Variants in THBD observed in about 807,000 individuals in gnomAD.
THBD encodes the protein thrombomodulin.
For missense variants in THBD, 850 were observed against 816.9 expected (o/e 1.04, Z -0.49); for synonymous variants, 449 against 374.2 (o/e 1.20, Z -2.31).
Position 23,048,308 on chromosome 20 carries a change from G to C in THBD, c.1197C>G (p.His399Gln). ...AAAACATCTGGCACCTGTGCGGCTC[G>C]TGGGGAATGGGCGCGAAGCCCTCGG... ...VCAEGFAPIP[H>Q]EPHRCQMFCN... The change falls in exon 1 of 1, where the codon CAC (histidine) becomes CAG (glutamine). Residue 399 changes from histidine (H) to glutamine (Q), a missense_variant. His to Gln is a conservative substitution (Grantham distance 24, BLOSUM62 0). Coordinates refer to ENST00000377103, the MANE Select transcript of THBD (RefSeq NM_000361.3). The C allele has an allele frequency of 1.2e-6, 2 of 1,613,894 alleles. No homozygotes were observed. Among genetic ancestry groups the C allele is most frequent in the Non-Finnish European group, 1.7e-6 (2 of 1,180,044 alleles).
rs1312368632 is a variant in THBD at position 23,048,850 on chromosome 20, C to T, written c.655G>A (p.Gly219Ser). 5 of 1,505,796 alleles carry T rather than the reference C, an allele frequency of 3.3e-6. No homozygotes were observed. The highest frequency in any genetic ancestry group is 3.5e-6 in the Non-Finnish European group (4 of 1,131,534). The allele number at this position is 1,505,796 out of a possible 1,614,324, so 93.3% of individuals were successfully genotyped here. The change falls in exon 1 of 1, where the codon GGC (glycine) becomes AGC (serine). Residue 219 changes from glycine to serine, a missense_variant. Transcript: ENST00000377103. Reference protein sequence around the residue: ...VGSSAAVAPLGLQLMCTAPPG... With the variant: ...VGSSAAVAPLSLQLMCTAPPG... The stretch of plus-strand genomic sequence containing the variant: ...GGCGCGGTGCACATTAGCTGTAAGC[C>T]GAGGGGAGCCACCGCGGCGGAGCTG...
Position 23,048,796 on chromosome 20 carries a change from T to G in THBD, c.709A>C (p.Arg237=), listed in dbSNP as rs894450516. The change falls in exon 1 of 1, where the codon AGG becomes CGG. Residue 237 remains arginine, a synonymous_variant. Coordinates refer to ENST00000377103, the MANE Select transcript of THBD (RefSeq NM_000361.3). ...PPGAVQGHWA[R]EAPGAWDCSV... Reference sequence around the variant, plus strand: ...CAGTCCCAAGCGCCCGGCGCCTCCCTGGCCCAGTGCCCCTGGACCGCTCCG... The same window carrying G: ...CAGTCCCAAGCGCCCGGCGCCTCCCGGGCCCAGTGCCCCTGGACCGCTCCG... 6.5e-7 allele frequency: 1 copy of G among 1,538,816 alleles called. No individual in the cohort carries two copies. The highest frequency in any genetic ancestry group is 8.7e-7 in the Non-Finnish European group (1 of 1,149,124).
rs867734905 is a variant in THBD, at chr20:23,049,270, C to T, written c.235G>A (p.Gly79Ser). 2 of 1,551,234 alleles carry T rather than the reference C, an allele frequency of 1.3e-6. No homozygotes were observed. The highest frequency in any genetic ancestry group is 1.4e-5 in the African/African-American group (1 of 72,920). Reference sequence around the variant, plus strand: ...CAGAGGCGCCGGCGGCCAACGCCGCCGTCGCCGTTCAGTAGCAAGGAAATG... The same window carrying T: ...CAGAGGCGCCGGCGGCCAACGCCGCTGTCGCCGTTCAGTAGCAAGGAAATG... ...DVISLLLNGD[G>S]GVGRRRLWIG... Residue 79 changes from glycine (G) to serine (S), a missense_variant, in exon 1 of 1, where the codon GGC (glycine) becomes AGC (serine). By Grantham distance (56) the Gly-to-Ser change is moderately conservative (BLOSUM62 0). Coordinates refer to ENST00000377103, the MANE Select transcript of THBD (RefSeq NM_000361.3).
chr20:23,048,144 AC>A lies in THBD; in HGVS notation c.1360del (p.Val454CysfsTer52). The A allele has an allele frequency of 6.2e-7, 1 of 1,613,494 alleles. No homozygotes were observed. The highest frequency in any genetic ancestry group is 1.3e-5 in the African/African-American group (1 of 75,028). ...GAAGGTACCGGGGAGGTTGTGGCAC[AC>A]CCCGGAGCAGAAGCCGCCGTTTTCG... Reference protein sequence around the residue: ...ECENGGFCSGVCHNLPGTFEC... With the variant: ...ECENGGFCSGXCHNLPGTFEC... On this transcript the variant is annotated frameshift_variant, in exon 1 of 1. Coordinates refer to ENST00000377103, the MANE Select transcript of THBD (RefSeq NM_000361.3). LOFTEE classifies it low-confidence loss of function (END_TRUNC).
In THBD at chr20:23,049,314, G is replaced by A; in HGVS notation, c.191C>T (p.Ser64Phe). The A allele has an allele frequency of 1.9e-6, 3 of 1,597,400 alleles. No homozygotes were observed. The highest frequency in any genetic ancestry group is 2.6e-6 in the Non-Finnish European group (3 of 1,173,622). The change falls in exon 1 of 1, where the codon TCC (serine) becomes TTC (phenylalanine). Residue 64 changes from serine (S) to phenylalanine (F), a missense_variant. By Grantham distance (155) the Ser-to-Phe change is radical. Coordinates refer to ENST00000377103, the MANE Select transcript of THBD (RefSeq NM_000361.3). ...GLRGHLMTVRSSVAADVISLL... is the reference protein window; with the variant it reads ...GLRGHLMTVRFSVAADVISLL... ...GGAAATGACATCGGCAGCCACCGAGGAGCGCACTGTCATTAGGTGGCCCCG... is the reference window on the plus strand; with the variant it reads ...GGAAATGACATCGGCAGCCACCGAGAAGCGCACTGTCATTAGGTGGCCCCG...
At position 23,047,525 on chromosome 20, in the gene THBD, G is replaced by T. The variant is rs941549874; in HGVS notation, c.*252C>A. The stretch of plus-strand genomic sequence containing the variant: ...CGGTAGTGAGGACCTGGGACAAATC[G>T]CAGTCTGTGTCTTCGTTACAAAATT... On this transcript the variant is annotated 3_prime_UTR_variant, in exon 1 of 1. Transcript: ENST00000377103. 8 of 580,398 alleles carry T rather than the reference G, an allele frequency of 1.4e-5. No individual in the cohort carries two copies. The highest frequency in any genetic ancestry group is 2.4e-5 in the Non-Finnish European group (8 of 329,316). The allele number at this position is 580,398 out of a possible 1,614,324, so 36.0% of individuals were successfully genotyped here.
Position 23,048,580 on chromosome 20 carries a change from T to G in THBD, c.925A>C (p.Met309Leu). Residue 309 changes from methionine (M) to leucine (L), a missense_variant, in exon 1 of 1, where the codon ATG becomes CTG. Transcript: ENST00000377103. ...NPDQPGSYSC[M>L]CETGYRLAAD... The stretch of plus-strand genomic sequence containing the variant: ...GCCAGCCGGTAGCCGGTCTCGCACA[T>G]GCACGAGTAGGAGCCCGGCTGGTCG... 6.2e-7 allele frequency: 1 copy of G among 1,600,096 alleles called. No individual in the cohort carries two copies. Among genetic ancestry groups the G allele is most frequent in the Admixed American group, 1.7e-5 (1 of 59,982 alleles).
chr20:23,047,422 T>C lies in THBD; in HGVS notation c.*355A>G. On this transcript the variant is annotated 3_prime_UTR_variant, in exon 1 of 1. Coordinates refer to ENST00000377103, the MANE Select transcript of THBD (RefSeq NM_000361.3). The stretch of plus-strand genomic sequence containing the variant: ...AACCTAAATACTTAAAAAAAATAAA[T>C]ATTTTAGTCATCCCTAGCCCACGAG... 3.1e-6 allele frequency: 1 copy of C among 317,810 alleles called. No individual in the cohort carries two copies. The highest frequency in any genetic ancestry group is 5.8e-6 in the Non-Finnish European group (1 of 172,532). 19.7% of individuals were successfully genotyped at this position (317,810 alleles called of 1,614,324 possible). A position where few individuals can be genotyped will look rare whatever the true frequency, so the allele number is the denominator to read the frequency against.
rs1568665899 is a variant in THBD at position 23,048,198 on chromosome 20, C to T, written c.1307G>A (p.Gly436Asp). 2 of 1,614,068 alleles carry T rather than the reference C, an allele frequency of 1.2e-6. No individual in the cohort carries two copies. The highest frequency in any genetic ancestry group is 1.7e-6 in the Non-Finnish European group (2 of 1,180,052). The change falls in exon 1 of 1, where the codon GGT (glycine) becomes GAT (aspartate). Residue 436 changes from glycine to aspartate, a missense_variant. Coordinates refer to ENST00000377103, the MANE Select transcript of THBD (RefSeq NM_000361.3). The stretch of plus-strand genomic sequence containing the variant: ...CTCGTCGATGTCCGTGCAGATGAAA[C>T]CGTCGTCCAGGATGTAGCCTTCAGG... ...ECPEGYILDD[G>D]FICTDIDECE...
At position 23,048,806 on chromosome 20, in the gene THBD, C is replaced by T; in HGVS notation, c.699G>A (p.Gly233=). The T allele has an allele frequency of 6.5e-7, 1 of 1,528,370 alleles. No individual in the cohort carries two copies. The highest frequency in any genetic ancestry group is 8.7e-7 in the Non-Finnish European group (1 of 1,143,666). The allele number at this position is 1,528,370 out of a possible 1,614,324, so 94.7% of individuals were successfully genotyped here. The part of the protein sequence containing the change: ...MCTAPPGAVQ[G]HWAREAPGAW... Reference sequence around the variant, plus strand: ...CGCCCGGCGCCTCCCTGGCCCAGTGCCCCTGGACCGCTCCGGGCGGCGCGG... The same window carrying T: ...CGCCCGGCGCCTCCCTGGCCCAGTGTCCCTGGACCGCTCCGGGCGGCGCGG... The change falls in exon 1 of 1, where the codon GGG becomes GGA. Residue 233 remains glycine (G), a synonymous_variant. Coordinates refer to ENST00000377103, the MANE Select transcript of THBD (RefSeq NM_000361.3).
Position 23,048,265 on chromosome 20 carries a change from G to A in THBD, c.1240C>T (p.Pro414Ser). ...TGGGTGTTGGGGTCGCAGTCGGCTG[G>A]ACAGGCAGTCTGGTTGCAAAACATC... ...CQMFCNQTACPADCDPNTQAS... is the reference protein window; with the variant it reads ...CQMFCNQTACSADCDPNTQAS... Residue 414 changes from proline (P) to serine (S), a missense_variant, in exon 1 of 1, where the codon CCA becomes TCA. Transcript: ENST00000377103. 6.2e-7 allele frequency: 1 copy of A among 1,613,974 alleles called. No individual in the cohort carries two copies.
chr20:23,049,619 A>G lies in THBD; in HGVS notation c.-115T>C. The G allele has an allele frequency of 1.4e-6, 2 of 1,392,128 alleles. No homozygotes were observed. The highest frequency in any genetic ancestry group is 2.0e-6 in the Non-Finnish European group (2 of 1,005,584). The allele number at this position is 1,392,128 out of a possible 1,614,324, so 86.2% of individuals were successfully genotyped here. A position where few individuals can be genotyped will look rare whatever the true frequency, so the allele number is the denominator to read the frequency against. ...GGCGACAGCCTCTCCTGTCCGTCCCAGCCCAGACACTTCTTGCCGCTGCGC... is the reference window on the plus strand; with the variant it reads ...GGCGACAGCCTCTCCTGTCCGTCCCGGCCCAGACACTTCTTGCCGCTGCGC... On this transcript the variant is annotated 5_prime_UTR_variant, in exon 1 of 1. Coordinates refer to ENST00000377103, the MANE Select transcript of THBD (RefSeq NM_000361.3).
rs1297802180 is a variant in THBD at position 23,045,822 on chromosome 20, C to T, written c.*1955G>A. On this transcript the variant is annotated 3_prime_UTR_variant, in exon 1 of 1. Coordinates refer to ENST00000377103, the MANE Select transcript of THBD (RefSeq NM_000361.3). ...AATCATTCTACAGTGAAAATAATAG[C>T]CTCTGGAAAAAGCTTTGAAAATCAG... The T allele has an allele frequency of 6.6e-6, 1 of 152,112 alleles. No individual in the cohort carries two copies. Among genetic ancestry groups the T allele is most frequent in the African/African-American group, 2.4e-5 (1 of 41,414 alleles). The allele number at this position is 152,112 out of a possible 1,614,324, so 9.4% of individuals were successfully genotyped here.
In THBD at chr20:23,049,105, C is replaced by G; in HGVS notation, c.400G>C (p.Gly134Arg). The G allele has an allele frequency of 6.3e-7, 1 of 1,589,186 alleles. No individual in the cohort carries two copies. Among genetic ancestry groups the G allele is most frequent in the Non-Finnish European group, 8.6e-7 (1 of 1,169,516 alleles). ...RLDLNGAPLCGPLCVAVSAAE... is the reference protein window; with the variant it reads ...RLDLNGAPLCRPLCVAVSAAE... ...GCGGAGACAGCGACGCACAACGGGC[C>G]GCAGAGGGGAGCCCCATTGAGGTCG... Residue 134 changes from glycine to arginine, a missense_variant, in exon 1 of 1, where the codon GGC becomes CGC. By Grantham distance (125) the Gly-to-Arg change is moderately radical. Coordinates refer to ENST00000377103, the MANE Select transcript of THBD (RefSeq NM_000361.3).
Position 23,047,864 on chromosome 20 carries a change from C to A in THBD, c.1641G>T (p.Arg547Ser). The change falls in exon 1 of 1, where the codon AGG (arginine) becomes AGT (serine). Residue 547 changes from arginine to serine, a missense_variant. Coordinates refer to ENST00000377103, the MANE Select transcript of THBD (RefSeq NM_000361.3). ...CHLRKKQGAA[R>S]AKMEYKCAAP... is the part of the protein sequence containing the mutation. ...CCGCGCACTTGTACTCCATCTTGGC[C>A]CTGGCGGCGCCCTGCTTCTTGCGCA... 6.2e-7 allele frequency: 1 copy of A among 1,601,630 alleles called. No homozygotes were observed. The highest frequency in any genetic ancestry group is 8.5e-7 in the Non-Finnish European group (1 of 1,174,410).
chr20:23,048,742 C>G lies in THBD; in HGVS notation c.763G>C (p.Ala255Pro), dbSNP rs1276712753. The change falls in exon 1 of 1, where the codon GCG (alanine) becomes CCG (proline). Residue 255 changes from alanine to proline, a missense_variant. Coordinates refer to ENST00000377103, the MANE Select transcript of THBD (RefSeq NM_000361.3). The part of the protein sequence containing the change: ...CSVENGGCEH[A>P]CNAIPGAPRC... ...GGAGCCCCAGGGATCGCATTGCACG[C>G]GTGCTCGCAGCCGCCGTTCTCCACG... 3.5e-5 allele frequency: 55 copies of G among 1,569,352 alleles called. No individual in the cohort carries two copies. The highest frequency in any genetic ancestry group is 4.5e-5 in the Non-Finnish European group (52 of 1,166,196).
rs573269226 is a variant in THBD at position 23,047,512 on chromosome 20, C to T, written c.*265G>A. The T allele has an allele frequency of 7.1e-6, 4 of 565,326 alleles. No homozygotes were observed. The highest frequency in any genetic ancestry group is 3.2e-5 in the Admixed American group (1 of 31,082). The allele number at this position is 565,326 out of a possible 1,614,324, so 35.0% of individuals were successfully genotyped here. On this transcript the variant is annotated 3_prime_UTR_variant, in exon 1 of 1. Coordinates refer to ENST00000377103, the MANE Select transcript of THBD (RefSeq NM_000361.3). Reference sequence around the variant, plus strand: ...ACCCTCCTGCGCCCGGTAGTGAGGACCTGGGACAAATCGCAGTCTGTGTCT... The same window carrying T: ...ACCCTCCTGCGCCCGGTAGTGAGGATCTGGGACAAATCGCAGTCTGTGTCT...
In THBD at chr20:23,047,408, T is replaced by A; in HGVS notation, c.*369A>T. On this transcript the variant is annotated 3_prime_UTR_variant, in exon 1 of 1. Transcript: ENST00000377103. ...AGGAAACAAACAAAAACCTAAATAC[T>A]TAAAAAAAATAAATATTTTAGTCAT... The A allele has an allele frequency of 3.6e-6, 1 of 277,286 alleles. No individual in the cohort carries two copies. Among genetic ancestry groups the A allele is most frequent in the Non-Finnish European group, 6.8e-6 (1 of 146,566 alleles). 17.2% of individuals were successfully genotyped at this position (277,286 alleles called of 1,614,324 possible). A position where few individuals can be genotyped will look rare whatever the true frequency, so the allele number is the denominator to read the frequency against.
At position 23,047,960 on chromosome 20, in the gene THBD, C is replaced by T. The variant is rs1389710610; in HGVS notation, c.1545G>A (p.Ser515=). 1.2e-6 allele frequency: 2 copies of T among 1,609,312 alleles called. No individual in the cohort carries two copies. The highest frequency in any genetic ancestry group is 1.7e-5 in the Admixed American group (1 of 59,392). ...LTPPAVGLVH[S]GLLIGISIAS... is the part of the protein sequence containing the mutation. ...CGATGGAGATGCCTATGAGCAAGCC[C>T]GAATGCACGAGCCCCACGGCCGGAG... The change falls in exon 1 of 1, where the codon TCG becomes TCA. Residue 515 remains serine (S), a synonymous_variant. Coordinates refer to ENST00000377103, the MANE Select transcript of THBD (RefSeq NM_000361.3).
Sources: gnomAD v4.1 joint callset for allele counts on GRCh38, gnomAD v4.1.1 for gene constraint, MANE v1.5 for transcripts, NCBI Gene and HGNC (gene_info 2026-07-23, HGNC 2026-07-21) for gene names.